Variants in LMBR1 observed in about 807,000 individuals in gnomAD.
The protein encoded by LMBR1 is limb region 1 protein homolog.
In LMBR1, 52 loss-of-function variants were observed where a neutral mutation model predicts 73.9. The observed-to-expected ratio is 0.70, with a 90% CI of 0.56 to 0.89. The LOEUF is 0.89. LMBR1 is among the 40% of genes least tolerant of loss of function. LMBR1 has a pLI of 0.00. For missense variants in LMBR1, 539 were observed against 579.8 expected (o/e 0.93, Z 0.72); for synonymous variants, 215 against 209.4 (o/e 1.03, Z -0.23).
intron 15 of LMBR1, among the ~76,000 whole-genome samples, chr7:156,713,327 T>C (rs976365575): frequency 6.6e-6 from 1 of 152,058 alleles, no homozygotes; most frequent in African/African-American, 2.4e-5. Context: ...TATGGGACAT[T>C]ATACATTTGC....
At chr7:156,885,379 C>T (rs1281276765) in intron 1 of LMBR1, among the ~76,000 whole-genome samples, 1 of 151,304 alleles carries the variant, frequency 6.6e-6, no homozygotes, top group Non-Finnish European at 1.5e-5. Flanking sequence ...AAGTCCCAGT[C>T]AACCCCAGAC....
At position 156,779,355 on chromosome 7, in the gene LMBR1, C is replaced by T. The variant is rs373709753; in HGVS notation, c.424-15560G>A. 6.6e-4 allele frequency among the ~76,000 whole-genome samples: 100 copies of T among 152,286 alleles called. No individual in the cohort carries two copies. The highest frequency in any genetic ancestry group is 2.2e-3 in the African/African-American group (93 of 41,570). On this transcript the variant is annotated intron_variant, in intron 5 of 16. Coordinates refer to ENST00000353442, the MANE Select transcript of LMBR1 (RefSeq NM_022458.4). ...TTAGAAACACCACTGAAATTAAGTA[C>T]TTTTCTGCCAATGAAACATGAGTTG...
intron 1 of LMBR1, among the ~76,000 whole-genome samples, chr7:156,876,619 C>T (rs1249102548): frequency 6.6e-6 from 1 of 152,114 alleles, no homozygotes; most frequent in East Asian, 1.9e-4. Context: ...ATACCAAGTA[C>T]TCTCCCTGAC....
At position 156,734,226 on chromosome 7, in the gene LMBR1, C is replaced by T. The variant is rs2132498638; in HGVS notation, c.789G>A (p.Met263Ile). 6.2e-7 allele frequency: 1 copy of T among 1,609,118 alleles called. No homozygotes were observed. The highest frequency in any genetic ancestry group is 1.1e-5 in the South Asian group (1 of 89,670). Residue 263 changes from methionine (M) to isoleucine (I), a missense_variant, in exon 10 of 17, where the codon ATG (methionine) becomes ATA (isoleucine). Met to Ile is a conservative substitution (Grantham distance 10). Transcript: ENST00000353442. ...CATTTTCAAGTTCTTGTTCCAACTC[C>T]ATTATGTTGTATTCCACCGATGAAG... ...GLSSSVEYNI[M>I]ELEQELENVK...
chr7:156,691,072 C>G (rs1807071865), intron 15 of LMBR1, among the ~76,000 whole-genome samples: 1 of 151,996 alleles, frequency 6.6e-6, no homozygotes, highest in Non-Finnish European at 1.5e-5. Context: ...ATTTTAAAAC[C>G]AAGCAAATTT....
At chr7:156,811,501 C>T (rs1467772651) in intron 4 of LMBR1, among the ~76,000 whole-genome samples, 1 of 151,798 alleles carries the variant, frequency 6.6e-6, no homozygotes. Flanking sequence ...TCCAGCTACT[C>T]GGGAGGCTGA....
chr7:156,892,962 TC>T lies in LMBR1; in HGVS notation c.31del (p.Glu11SerfsTer53). The T allele has an allele frequency of 6.5e-7, 1 of 1,543,372 alleles. No individual in the cohort carries two copies. MEGQDEVSAR[E>X]QHFHSQVRES... ...CCGCACTTGGCTGTGGAAGTGCTGC[TC>T]CCGCGCCGACACCTCGTCCTGCCCT... On this transcript the variant is annotated frameshift_variant, in exon 1 of 17. Coordinates refer to ENST00000353442, the MANE Select transcript of LMBR1 (RefSeq NM_022458.4). LOFTEE classifies it high-confidence loss of function.
At chr7:156,804,530 A>G (rs1831644459) in intron 4 of LMBR1, among the ~76,000 whole-genome samples, 1 of 152,238 alleles carries the variant, frequency 6.6e-6, no homozygotes, top group Non-Finnish European at 1.5e-5. Flanking sequence ...ACTAAAAATA[A>G]TATTTTAACC....
intron 9 of LMBR1, among the ~76,000 whole-genome samples, chr7:156,743,694 T>C (rs1819321705): frequency 6.6e-6 from 1 of 152,232 alleles, no homozygotes; most frequent in South Asian, 2.1e-4. Flanking sequence ...TAGTTTATCC[T>C]TTTTGCCCAT....
intron 1 of LMBR1, among the ~76,000 whole-genome samples, chr7:156,879,808 C>T (rs1257451250): frequency 6.6e-6 from 1 of 152,120 alleles, no homozygotes. Context: ...TGTGATACCA[C>T]CTTACTCCTG....
intron 15 of LMBR1, among the ~76,000 whole-genome samples, chr7:156,689,027 T>C (rs1806577055): frequency 1.3e-5 from 2 of 152,264 alleles, no homozygotes; most frequent in South Asian, 4.1e-4. Context: ...TGATCTAATA[T>C]ATGCATTGAA....
chr7:156,864,864 T>A (rs1409327576), intron 1 of LMBR1, among the ~76,000 whole-genome samples: 1 of 151,460 alleles, frequency 6.6e-6, no homozygotes, highest in East Asian at 1.9e-4. Context: ...GGCACGGTGG[T>A]GGGTGCTTGT....
At chr7:156,672,363 A>G (rs1802731769) in intron 4 of LMBR1, among the ~76,000 whole-genome samples, 1 of 152,202 alleles carries the variant, frequency 6.6e-6, no homozygotes, top group African/African-American at 2.4e-5. Context: ...TCCTGGCCCC[A>G]GGACTAATAA....
At chr7:156,765,909 A>G (rs965478400) in intron 5 of LMBR1, among the ~76,000 whole-genome samples, 6 of 152,202 alleles carry the variant, frequency 3.9e-5, no homozygotes, top group Non-Finnish European at 7.3e-5. Flanking sequence ...ACACAGTGTC[A>G]GCTCCTTGGA....
At chr7:156,779,599 C>G in intron 5 of LMBR1, 3 of 911,382 alleles carry the variant, frequency 3.3e-6, no homozygotes, top group Non-Finnish European at 4.5e-6. Context: ...AATTTTTGTG[C>G]TGGTCAATTA....
intron 1 of LMBR1, among the ~76,000 whole-genome samples, chr7:156,844,242 T>G (rs1839217151): frequency 6.6e-6 from 1 of 152,028 alleles, no homozygotes; most frequent in Non-Finnish European, 1.5e-5. Flanking sequence ...GAGAATCGCT[T>G]GAACCCGGGA....
At chr7:156,675,227 A>G (rs57315809), downstream of LMBR1, among the ~76,000 whole-genome samples, 9,304 of 152,280 alleles carry the variant, frequency 0.061, 648 homozygotes, top group African/African-American at 0.18. Context: ...GTGGGGAAGC[A>G]TGACAGGACA....
intron 5 of LMBR1, among the ~76,000 whole-genome samples, chr7:156,766,987 G>C (rs1337078872): frequency 6.6e-6 from 1 of 152,172 alleles, no homozygotes; most frequent in Non-Finnish European, 1.5e-5. Flanking sequence ...TTACAAATTT[G>C]GTTGAGCCAT....
At chr7:156,860,768 G>A (rs1219083815) in intron 1 of LMBR1, among the ~76,000 whole-genome samples, 1 of 152,232 alleles carries the variant, frequency 6.6e-6, no homozygotes, top group African/African-American at 2.4e-5. Context: ...AGGGGCTACA[G>A]GCCCCATGCA....
Sources: gnomAD v4.1 joint callset for allele counts (sites outside exome capture counted in the v4.1 genomes callset) on GRCh38, gnomAD v4.1.1 for gene constraint, MANE v1.5 for transcripts, NCBI Gene and HGNC (gene_info 2026-07-23, HGNC 2026-07-21) for gene names.